The following EYS variants were observed in gnomAD, a reference collection of about 807,000 sequenced individuals.
EYS encodes the protein EGF-like photoreceptor maintenance factor.
Under a neutral mutation model 282.1 loss-of-function variants are expected in EYS, and 250 were observed. The observed-to-expected ratio is 0.89, with a 90% CI of 0.80 to 0.98. The LOEUF is 0.98. EYS is among the 50% of genes least tolerant of loss of function. The pLI, the probability that EYS is intolerant of heterozygous loss-of-function variation, is 0.00. For missense variants in EYS, 4,016 were observed against 3,709.0 expected (o/e 1.08, Z -2.15); for synonymous variants, 1,355 against 1,282.9 (o/e 1.06, Z -1.20).
intron 35 of EYS, among the ~76,000 whole-genome samples, chr6:63,919,460 C>A (rs543903671): frequency 1.3e-5 from 2 of 151,534 alleles, no homozygotes; most frequent in African/African-American, 4.8e-5. Context: ...GTATAATTTC[C>A]AGTCCCCTTT....
chr6:64,554,184 C>T (rs1182119931), intron 26 of EYS, among the ~76,000 whole-genome samples: 3 of 152,014 alleles, frequency 2.0e-5, no homozygotes, highest in African/African-American at 7.2e-5. Flanking sequence ...TGGCTATAGT[C>T]CCTGGCTTCT....
chr6:64,091,243 A>T (rs1164979867), intron 31 of EYS, among the ~76,000 whole-genome samples: 1 of 152,202 alleles, frequency 6.6e-6, no homozygotes, highest in Non-Finnish European at 1.5e-5. Flanking sequence ...GAAAACATTT[A>T]TCCCTTTCAG....
chr6:65,294,787 T>C (rs1206342449), intron 12 of EYS, among the ~76,000 whole-genome samples: 1 of 151,940 alleles, frequency 6.6e-6, no homozygotes, highest in Non-Finnish European at 1.5e-5. Flanking sequence ...AAATGATATA[T>C]ATCTATTTTC....
At chr6:65,442,743 G>C (rs1768387001) in intron 5 of EYS, among the ~76,000 whole-genome samples, 1 of 150,214 alleles carries the variant, frequency 6.7e-6, no homozygotes, top group Non-Finnish European at 1.5e-5. Context: ...GACAGAGCGA[G>C]ACTCCATCTC....
chr6:64,530,923 A>G lies in EYS; in HGVS notation c.5644+59300T>C, dbSNP rs1055409671. Among the ~76,000 whole-genome samples, 9 of 152,104 alleles carry G rather than the reference A, an allele frequency of 5.9e-5. No homozygotes were observed. The East Asian group carries it at 1.7e-3, about 29-fold the overall frequency. ...GTCACAAGAAATTTATTCTACTTATATTCATTTTCTGAACAATCTCCGCCA... is the reference window on the plus strand; with the variant it reads ...GTCACAAGAAATTTATTCTACTTATGTTCATTTTCTGAACAATCTCCGCCA... On this transcript the variant is annotated intron_variant, in intron 26 of 42. Coordinates refer to ENST00000503581, the MANE Select transcript of EYS (RefSeq NM_001142800.2).
At chr6:64,978,551 T>C (rs1770546910) in intron 14 of EYS, among the ~76,000 whole-genome samples, 1 of 151,942 alleles carries the variant, frequency 6.6e-6, no homozygotes, top group Non-Finnish European at 1.5e-5. Flanking sequence ...AAGAGTAATT[T>C]TGACTTTCAA....
chr6:65,219,064 A>G (rs11965510), intron 12 of EYS, among the ~76,000 whole-genome samples: 29,751 of 152,174 alleles, frequency 0.2, 3,223 homozygotes, highest in Middle Eastern at 0.26. Context: ...TAATTTACAT[A>G]GAAGATATAT....
chr6:65,224,652 T>C (rs56011221), intron 12 of EYS, among the ~76,000 whole-genome samples: 5,373 of 151,914 alleles, frequency 0.035, 138 homozygotes, highest in African/African-American at 0.066. Flanking sequence ...TTTAGCTAGA[T>C]TGACTAAAAA....
chr6:65,014,375 T>G (rs184748959), intron 13 of EYS, among the ~76,000 whole-genome samples: 1 of 152,294 alleles, frequency 6.6e-6, no homozygotes, highest in Non-Finnish European at 1.5e-5. Context: ...TGACTTGTAT[T>G]AAATCTATAA....
intron 2 of EYS, among the ~76,000 whole-genome samples, chr6:65,577,517 A>G (rs1403675871): frequency 6.6e-6 from 1 of 151,868 alleles, no homozygotes; most frequent in Non-Finnish European, 1.5e-5. Context: ...TAGTCAGGGT[A>G]ATAATGTTTT....
At chr6:64,460,985 T>C (rs1562008192) in intron 26 of EYS, among the ~76,000 whole-genome samples, 2 of 151,970 alleles carry the variant, frequency 1.3e-5, no homozygotes, top group African/African-American at 4.8e-5. Flanking sequence ...ACTATGCAAA[T>C]AAAAAAGTAC....
chr6:64,412,886 G>A (rs1773946927), intron 28 of EYS: 1 of 152,052 alleles, frequency 6.6e-6, no homozygotes, highest in South Asian at 2.1e-4. Context: ...GTGTATATAA[G>A]TGGATGGTAA....
chr6:64,439,429 A>G, intron 26 of EYS, 77 bp from the exon 27 acceptor site: 3 of 954,974 alleles, frequency 3.1e-6, no homozygotes, highest in South Asian at 2.0e-5. Context: ...TTAACATAGC[A>G]TATGTTTTCT....
chr6:64,184,005 T>C (rs573119524), intron 31 of EYS, among the ~76,000 whole-genome samples: 1 of 152,288 alleles, frequency 6.6e-6, no homozygotes, highest in Non-Finnish European at 1.5e-5. Context: ...GATCAGAGCT[T>C]TTATTTCAGT....
chr6:65,336,041 A>AT (rs1769976206), intron 10 of EYS, among the ~76,000 whole-genome samples: 1 of 151,602 alleles, frequency 6.6e-6, no homozygotes, highest in South Asian at 2.1e-4. Flanking sequence ...TGTGAAGACC[A>AT]TGCTTGCTTC....
In EYS at chr6:64,744,104, G is replaced by A. The variant is rs142596396; in HGVS notation, c.3443+69274C>T. On this transcript the variant is annotated intron_variant, in intron 22 of 42. Coordinates refer to ENST00000503581, the MANE Select transcript of EYS (RefSeq NM_001142800.2). ...ATCTTGGCCTAAATTAAGCTATTAC[G>A]AAGAATCTTATGTTTCTAATATTTA... Among the ~76,000 whole-genome samples the A allele has an allele frequency of 4.2e-3, 638 of 152,104 alleles. 5 individuals carry two copies. The highest frequency in any genetic ancestry group is 6.9e-3 in the Non-Finnish European group (469 of 67,962).
intron 32 of EYS, among the ~76,000 whole-genome samples, chr6:64,073,084 G>A (rs1308879037): frequency 2.0e-5 from 3 of 151,836 alleles, no homozygotes; most frequent in African/African-American, 4.8e-5. Flanking sequence ...GACTGTAGCT[G>A]CTTTATTGTA....
chr6:64,692,044 G>A (rs1180819971), intron 22 of EYS, among the ~76,000 whole-genome samples: 1 of 152,064 alleles, frequency 6.6e-6, no homozygotes, highest in Non-Finnish European at 1.5e-5. Flanking sequence ...TTGTATGGTA[G>A]CTCTACTTGA....
At chr6:64,334,598 C>G (rs978790505) in intron 29 of EYS, among the ~76,000 whole-genome samples, 2 of 152,074 alleles carry the variant, frequency 1.3e-5, no homozygotes, top group Non-Finnish European at 2.9e-5. Flanking sequence ...AGGTTGCAAG[C>G]AGTTCTGGAG....
Sources: gnomAD v4.1 joint callset for allele counts (sites outside exome capture counted in the v4.1 genomes callset) on GRCh38, gnomAD v4.1.1 for gene constraint, MANE v1.5 for transcripts, NCBI Gene and HGNC (gene_info 2026-07-23, HGNC 2026-07-21) for gene names.